CLASP1: variants seen among roughly 807,000 people sequenced by gnomAD.
CLASP1 encodes the protein cytoplasmic linker associated protein 1, also known as CLIP-associating protein 1.
CLASP1 carries 38 observed loss-of-function variants against 192.3 expected under a neutral mutation model. The ratio of observed to expected loss-of-function variants is 0.20; its 90% CI spans 0.15 to 0.26. The LOEUF is 0.26. Among genes scored for constraint, CLASP1 ranks in the 10% least tolerant of loss-of-function variants. CLASP1 has a pLI of 1.00. For missense variants in CLASP1, 1,433 were observed against 1,932.5 expected (o/e 0.74, Z 4.85); for synonymous variants, 691 against 712.8 (o/e 0.97, Z 0.49).
At chr2:121,643,909 C>A (rs1188748280) in intron 1 of CLASP1, among the ~76,000 whole-genome samples, 1 of 152,218 alleles carries the variant, frequency 6.6e-6, no homozygotes, top group Non-Finnish European at 1.5e-5. Context: ...AGGTCCCCTA[C>A]AAATTCCCTG....
chr2:121,577,720 A>T (rs1164866362), intron 2 of CLASP1, among the ~76,000 whole-genome samples: 1 of 152,182 alleles, frequency 6.6e-6, no homozygotes, highest in African/African-American at 2.4e-5. Flanking sequence ...TCTAGTGGTG[A>T]TTTAATGAAT....
At chr2:121,580,543 T>C (rs2105553144) in intron 2 of CLASP1, among the ~76,000 whole-genome samples, 2 of 152,354 alleles carry the variant, frequency 1.3e-5, no homozygotes, top group Middle Eastern at 6.8e-3. Flanking sequence ...ATTTAAATTT[T>C]GCACTTGCCT....
chr2:121,634,072 C>G (rs1432923269), intron 1 of CLASP1, among the ~76,000 whole-genome samples: 1 of 152,036 alleles, frequency 6.6e-6, no homozygotes, highest in Admixed American at 6.6e-5. Context: ...TCACATCCTT[C>G]AGGCCAAAAT....
intron 19 of CLASP1, among the ~76,000 whole-genome samples, chr2:121,443,978 A>AATC (rs2083843766): frequency 6.6e-6 from 1 of 152,214 alleles, no homozygotes; most frequent in Non-Finnish European, 1.5e-5. Flanking sequence ...ATAATATATG[A>AATC]AAATGAACTA....
At chr2:121,536,520 CTACAGGAGTAAAAAGG>C (rs2095084413) in intron 2 of CLASP1, among the ~76,000 whole-genome samples, 1 of 151,240 alleles carries the variant, frequency 6.6e-6, no homozygotes, top group South Asian at 2.1e-4. Context: ...GCATCATTAT[CTACAGGAGTAAAAAGG>C]TGGAAACAAC....
At chr2:121,485,317 A>C (rs1268846069) in intron 8 of CLASP1, among the ~76,000 whole-genome samples, 1 of 152,224 alleles carries the variant, frequency 6.6e-6, no homozygotes, top group Non-Finnish European at 1.5e-5. Flanking sequence ...AAGGGGCCCT[A>C]CAAAAAGTGT....
intron 2 of CLASP1, among the ~76,000 whole-genome samples, chr2:121,599,318 G>A (rs1436805582): frequency 1.9e-4 from 29 of 150,190 alleles, no homozygotes; most frequent in African/African-American, 5.9e-4. Context: ...AGCCGGGCAC[G>A]GTGGCTCACA....
rs1475639657 is a variant in CLASP1 at position 121,572,497 on chromosome 2, G to T, written c.195+33204C>A. Among the ~76,000 whole-genome samples the T allele has an allele frequency of 3.9e-5, 6 of 152,244 alleles. No individual in the cohort carries two copies. In the East Asian group the frequency reaches 1.2e-3, roughly 29 times the overall value. ...TTCAAATAGGCACACATTCTTAAGG[G>T]TGGGGGGGACAAAAAATTATTATTT... On this transcript the variant is annotated intron_variant, in intron 2 of 39. Coordinates refer to ENST00000263710, the Ensembl canonical transcript of CLASP1.
chr2:121,446,068 T>C (rs1242417692), intron 19 of CLASP1, among the ~76,000 whole-genome samples: 4 of 152,356 alleles, frequency 2.6e-5, no homozygotes, highest in East Asian at 1.9e-4. Context: ...AATGCTGCAA[T>C]AGTTAAAAAC....
At chr2:121,366,291 T>G (rs1460826790) in intron 35 of CLASP1, among the ~76,000 whole-genome samples, 1 of 152,194 alleles carries the variant, frequency 6.6e-6, no homozygotes, top group Non-Finnish European at 1.5e-5. Context: ...GTGCCAGTCC[T>G]TACAAACACT....
At chr2:121,570,194 A>T (rs1456321459) in intron 2 of CLASP1, among the ~76,000 whole-genome samples, 4 of 152,036 alleles carry the variant, frequency 2.6e-5, no homozygotes, top group Non-Finnish European at 5.9e-5. Context: ...TTCCCTCCCC[A>T]CCCAACTCCC....
intron 6 of CLASP1, among the ~76,000 whole-genome samples, chr2:121,523,410 G>GT (rs2094500459): frequency 6.6e-6 from 1 of 152,150 alleles, no homozygotes; most frequent in African/African-American, 2.4e-5. Flanking sequence ...GAGAAAAATA[G>GT]TATCAGAGAG....
At chr2:121,492,413 A>G (rs1302575082) in intron 8 of CLASP1, among the ~76,000 whole-genome samples, 2 of 150,548 alleles carry the variant, frequency 1.3e-5, no homozygotes, top group East Asian at 3.9e-4. Flanking sequence ...AAAAAAAAAA[A>G]AGTGAAAAGA....
intron 30 of CLASP1, among the ~76,000 whole-genome samples, chr2:121,392,392 A>G (rs1559009586): frequency 6.6e-6 from 1 of 152,226 alleles, no homozygotes; most frequent in Non-Finnish European, 1.5e-5. Flanking sequence ...ATAATAGCAG[A>G]GCTGCAACTG....
intron 9 of CLASP1, among the ~76,000 whole-genome samples, chr2:121,467,425 A>G (rs570520870): frequency 2.7e-4 from 41 of 152,190 alleles, no homozygotes; most frequent in Non-Finnish European, 4.7e-4. Context: ...CACTCCCATC[A>G]ACAGTGTAAA....
At chr2:121,508,153 A>C (rs561672264) in intron 7 of CLASP1, among the ~76,000 whole-genome samples, 2 of 152,302 alleles carry the variant, frequency 1.3e-5, no homozygotes, top group South Asian at 4.1e-4. Flanking sequence ...TTAAAAAGAA[A>C]CTGCATAAAG....
exon 32 of CLASP1, chr2:121,387,146 C>A: frequency 6.2e-7 from 1 of 1,613,736 alleles, no homozygotes; most frequent in Non-Finnish European, 8.5e-7. Context: ...CCCATGGGAA[C>A]AGTTGGTGGG....
Position 121,444,437 on chromosome 2 carries a change from T to C in CLASP1, c.1912+2900A>G, listed in dbSNP as rs145125157. 4.8e-4 allele frequency among the ~76,000 whole-genome samples: 73 copies of C among 152,298 alleles called. 1 individual carries two copies. The East Asian group carries it at 0.012, about 26-fold the overall frequency. The stretch of plus-strand genomic sequence containing the variant: ...TACCTTTAGAGGAGAGAAAAATATA[T>C]TTTTTTATTTCTTTAAATTACCTGT... On this transcript the variant is annotated intron_variant, in intron 19 of 39. Transcript: ENST00000263710.
intron 2 of CLASP1, among the ~76,000 whole-genome samples, chr2:121,578,675 C>G (rs2060803387): frequency 6.6e-6 from 1 of 150,646 alleles, no homozygotes; most frequent in African/African-American, 2.4e-5. Context: ...TTGCAGTGAG[C>G]CGAGATTGCA....
Sources: gnomAD v4.1 joint callset for allele counts (sites outside exome capture counted in the v4.1 genomes callset) on GRCh38, gnomAD v4.1.1 for gene constraint, MANE v1.5 for transcripts, NCBI Gene and HGNC (gene_info 2026-07-23, HGNC 2026-07-21) for gene names.